ELMO1: variants seen among roughly 807,000 people sequenced by gnomAD.
ELMO1 encodes engulfment and cell motility protein 1.
A neutral mutation model predicts 98.9 loss-of-function variants in ELMO1; 26 were observed. The observed-to-expected ratio is 0.26, with a 90% CI of 0.19 to 0.36. The LOEUF is 0.36. Among genes scored for constraint, ELMO1 ranks in the 10% least tolerant of loss-of-function variants. The pLI is 1.00. For synonymous variants in ELMO1, 346 were observed against 346.0 expected (o/e 1.00, Z 0.00); for missense variants, 627 against 935.2 (o/e 0.67, Z 4.30).
intron 16 of ELMO1, among the ~76,000 whole-genome samples, chr7:36,914,291 A>T (rs1784536139): frequency 6.6e-6 from 1 of 152,242 alleles, no homozygotes. Context: ...TTGTAGCTAA[A>T]GAAATAAATT....
At chr7:37,448,988 G>C (rs185922249), upstream of ELMO1, 2 of 152,124 alleles carry the variant, frequency 1.3e-5, no homozygotes, top group African/African-American at 2.4e-5. Context: ...CTCTCCTCCC[G>C]AGCGGACGCT....
At chr7:37,418,420 C>G (rs1461249470) in intron 1 of ELMO1, among the ~76,000 whole-genome samples, 1 of 152,178 alleles carries the variant, frequency 6.6e-6, no homozygotes, top group African/African-American at 2.4e-5. Context: ...AAGCAGTTAG[C>G]AACTTCAAAA....
chr7:37,009,631 C>T (rs1222502275), intron 16 of ELMO1, among the ~76,000 whole-genome samples: 2 of 147,154 alleles, frequency 1.4e-5, no homozygotes, highest in Non-Finnish European at 2.9e-5. Context: ...GGCACTCCTT[C>T]TCCAGTGAGG....
At chr7:37,310,466 C>T (rs1033350660) in intron 4 of ELMO1, among the ~76,000 whole-genome samples, 4 of 152,138 alleles carry the variant, frequency 2.6e-5, no homozygotes, top group African/African-American at 9.7e-5. Context: ...CTGCCTTAGG[C>T]AGTTATACGA....
intron 1 of ELMO1, among the ~76,000 whole-genome samples, chr7:37,444,895 G>C (rs1279130592): frequency 6.6e-6 from 1 of 152,170 alleles, no homozygotes; most frequent in African/African-American, 2.4e-5. Context: ...TCTCCTGCAG[G>C]GGGTTAAACC....
chr7:36,854,171 C>A lies in ELMO1; in HGVS notation c.*1380G>T, dbSNP rs1802032839. On this transcript the variant is annotated 3_prime_UTR_variant, in exon 22 of 22. Transcript: ENST00000310758. ...AACATTCTCCACTGATGCTCAGAGC[C>A]TATGGTGACCTAGCAATGGTGGAGG... Among the ~76,000 whole-genome samples, 1 of 152,064 alleles carries A rather than the reference C, an allele frequency of 6.6e-6. No homozygotes were observed. Among genetic ancestry groups the A allele is most frequent in the Admixed American group, 6.6e-5 (1 of 15,266 alleles).
chr7:36,983,964 G>T (rs1791291418), intron 16 of ELMO1, among the ~76,000 whole-genome samples: 1 of 134,552 alleles, frequency 7.4e-6, no homozygotes. Flanking sequence ...TACTGTTTTA[G>T]ATTTTTTTTT....
chr7:36,903,582 T>C (rs1318899899), intron 16 of ELMO1, among the ~76,000 whole-genome samples: 2 of 152,216 alleles, frequency 1.3e-5, no homozygotes, highest in Admixed American at 6.5e-5. Flanking sequence ...CCTGGCCTCA[T>C]CCCTTGAGAT....
intron 16 of ELMO1, among the ~76,000 whole-genome samples, chr7:36,922,611 A>T (rs1785237559): frequency 6.6e-6 from 1 of 152,224 alleles, no homozygotes; most frequent in African/African-American, 2.4e-5. Context: ...CAAGTAAGAC[A>T]AAGAAAAAAA....
chr7:37,329,036 C>T (rs1799965670), intron 2 of ELMO1, among the ~76,000 whole-genome samples: 1 of 152,210 alleles, frequency 6.6e-6, no homozygotes, highest in Admixed American at 6.5e-5. Context: ...AAGCTGTCCT[C>T]TTTATTCTGC....
At chr7:37,015,112 G>A (rs1488763872) in intron 15 of ELMO1, among the ~76,000 whole-genome samples, 2 of 151,972 alleles carry the variant, frequency 1.3e-5, no homozygotes, top group African/African-American at 4.8e-5. Flanking sequence ...TTTCTAAAGG[G>A]CACAACCCGA....
intron 16 of ELMO1, among the ~76,000 whole-genome samples, chr7:36,914,703 G>A (rs548376137): frequency 7.3e-4 from 111 of 151,986 alleles, no homozygotes; most frequent in African/African-American, 2.6e-3. Context: ...TAGTAGAGAC[G>A]GGGTTTCACC....
At chr7:37,013,467 A>G (rs760985223) in intron 15 of ELMO1, 32 bp from the exon 16 acceptor site, 3 of 1,611,716 alleles carry the variant, frequency 1.9e-6, no homozygotes, top group Non-Finnish European at 2.5e-6. Flanking sequence ...TAAGAGAAAA[A>G]GTTTTAAAAC....
At chr7:36,977,632 T>C (rs1191527349) in intron 16 of ELMO1, among the ~76,000 whole-genome samples, 2 of 152,368 alleles carry the variant, frequency 1.3e-5, no homozygotes, top group East Asian at 3.9e-4. Flanking sequence ...CCCAGGTTTC[T>C]CCTTGGAGGT....
intron 4 of ELMO1, among the ~76,000 whole-genome samples, chr7:37,304,163 A>G (rs1389158681): frequency 1.3e-5 from 2 of 152,154 alleles, no homozygotes; most frequent in Non-Finnish European, 2.9e-5. Flanking sequence ...GTCTAAAACC[A>G]CCCAAAAATG....
intron 15 of ELMO1, among the ~76,000 whole-genome samples, chr7:37,063,874 C>A (rs1280252407): frequency 3.3e-5 from 5 of 152,162 alleles, no homozygotes; most frequent in Non-Finnish European, 7.4e-5. Context: ...CGGGGCAAAA[C>A]CGCAAGTTCA....
At chr7:37,281,698 G>A (rs375418232) in intron 4 of ELMO1, among the ~76,000 whole-genome samples, 8 of 152,212 alleles carry the variant, frequency 5.3e-5, no homozygotes, top group East Asian at 3.9e-4. Context: ...GTTCAGAATC[G>A]TCACAGTCTA....
chr7:37,243,345 C>G (rs894956878), intron 7 of ELMO1, among the ~76,000 whole-genome samples: 14 of 152,074 alleles, frequency 9.2e-5, no homozygotes, highest in African/African-American at 3.1e-4. Context: ...AAGGAAATAC[C>G]GAGCTTGTAT....
chr7:37,045,453 C>T (rs139042870), intron 15 of ELMO1, among the ~76,000 whole-genome samples: 35 of 152,244 alleles, frequency 2.3e-4, no homozygotes, highest in African/African-American at 7.7e-4. Context: ...ACTTATATGG[C>T]ATGTTATTAT....
Sources: gnomAD v4.1 joint callset for allele counts (sites outside exome capture counted in the v4.1 genomes callset) on GRCh38, gnomAD v4.1.1 for gene constraint, MANE v1.5 for transcripts, NCBI Gene and HGNC (gene_info 2026-07-23, HGNC 2026-07-21) for gene names.